The following AOPEP variants were observed in gnomAD, a reference collection of about 807,000 sequenced individuals.
The protein encoded by AOPEP is aminopeptidase O.
AOPEP carries 77 observed loss-of-function variants against 98.1 expected under a neutral mutation model. That is an observed-to-expected ratio of 0.78 (90% confidence interval 0.65 to 0.95). AOPEP has a LOEUF of 0.95. Among genes scored for constraint, AOPEP ranks in the 40% least tolerant of loss-of-function variants. The pLI is 0.00. For synonymous variants in AOPEP, 346 were observed against 365.3 expected (o/e 0.95, Z 0.60); for missense variants, 1,024 against 1,024.7 (o/e 1.00, Z 0.01).
chr9:94,984,805 A>C (rs1367119366), intron 11 of AOPEP, among the ~76,000 whole-genome samples: 2 of 152,252 alleles, frequency 1.3e-5, no homozygotes, highest in African/African-American at 4.8e-5. Flanking sequence ...AGTCACCCAC[A>C]GAATAGATAT....
At chr9:95,019,920 A>G (rs2063320017) in intron 13 of AOPEP, 3 of 152,256 alleles carry the variant, frequency 2.0e-5, no homozygotes, top group Admixed American at 6.5e-5. Flanking sequence ...GAGGTCCTCC[A>G]TAGATGCATG....
intron 11 of AOPEP, 166 bp from the exon 12 acceptor site, chr9:95,004,992 G>A (rs940252542): frequency 3.8e-5 from 6 of 157,436 alleles, no homozygotes; most frequent in African/African-American, 1.5e-4. Context: ...CGCGCCTGAG[G>A]TGATGCGGAC....
chr9:95,102,152 G>C, the AOPEP span, among the ~76,000 whole-genome samples: 1 of 152,218 alleles, frequency 6.6e-6, no homozygotes, highest in African/African-American at 2.4e-5. Context: ...AATCAGAAGT[G>C]CTTCTCAGAA....
chr9:94,921,087 A>G (rs1277640065), intron 5 of AOPEP: 3 of 151,092 alleles, frequency 2.0e-5, no homozygotes, highest in African/African-American at 7.3e-5. Context: ...AAAAAAAAAG[A>G]CAAGAAAGAA....
At chr9:94,933,093 G>C in intron 7 of AOPEP, 1 of 985,682 alleles carries the variant, frequency 1.0e-6, no homozygotes, top group Non-Finnish European at 1.2e-6. Flanking sequence ...CTCTTCCCCA[G>C]GCAAAGTCTG....
At chr9:94,975,901 G>T (rs2059810846) in intron 10 of AOPEP, among the ~76,000 whole-genome samples, 1 of 152,356 alleles carries the variant, frequency 6.6e-6, no homozygotes, top group South Asian at 2.1e-4. Context: ...CCACTGAGCT[G>T]AACGGAGTCT....
chr9:95,144,104 T>A, the AOPEP span, among the ~76,000 whole-genome samples: 1 of 152,092 alleles, frequency 6.6e-6, no homozygotes, highest in Non-Finnish European at 1.5e-5. Context: ...AAGCATGTGG[T>A]TTCCAAATGA....
intron 5 of AOPEP, among the ~76,000 whole-genome samples, chr9:94,866,542 C>T (rs2045726434): frequency 6.6e-6 from 1 of 152,126 alleles, no homozygotes; most frequent in Non-Finnish European, 1.5e-5. Flanking sequence ...CATGTAAAAT[C>T]TAAAATTTGA....
At chr9:95,138,521 C>T in the AOPEP span, among the ~76,000 whole-genome samples, 1 of 152,244 alleles carries the variant, frequency 6.6e-6, no homozygotes, top group African/African-American at 2.4e-5. Context: ...GTTCGCCTCT[C>T]AGTGGCTCCT....
At chr9:95,078,627 C>CTG (rs2069350685) in intron 14 of AOPEP, among the ~76,000 whole-genome samples, 1 of 152,258 alleles carries the variant, frequency 6.6e-6, no homozygotes, top group Non-Finnish European at 1.5e-5. Context: ...CTGTCCCCAG[C>CTG]TGTCGCTCCC....
At chr9:95,029,363 C>T (rs1441178042) in intron 13 of AOPEP, among the ~76,000 whole-genome samples, 4 of 152,162 alleles carry the variant, frequency 2.6e-5, no homozygotes, top group African/African-American at 4.8e-5. Context: ...CTTTTGTCTG[C>T]GTGTGTTACT....
chr9:94,757,160 A>G (rs1327531772), intron 1 of AOPEP, among the ~76,000 whole-genome samples: 2 of 152,240 alleles, frequency 1.3e-5, no homozygotes, highest in African/African-American at 2.4e-5. Context: ...CTCTGAATCA[A>G]GAGAAGGTAA....
intron 13 of AOPEP, among the ~76,000 whole-genome samples, chr9:95,042,327 A>C (rs572037391): frequency 2.6e-5 from 4 of 151,274 alleles, no homozygotes; most frequent in African/African-American, 7.3e-5. Flanking sequence ...TAAATAAATA[A>C]ATAAATAAAT....
chr9:95,107,985 G>A, the AOPEP span, among the ~76,000 whole-genome samples: 4 of 152,166 alleles, frequency 2.6e-5, no homozygotes, highest in Admixed American at 6.5e-5. Context: ...ACACCCAGTC[G>A]TGACTTGGAA....
chr9:94,933,137 A>G, intron 7 of AOPEP: 2 of 985,704 alleles, frequency 2.0e-6, no homozygotes, highest in Non-Finnish European at 2.4e-6. Context: ...GCCACTGTTC[A>G]GCTCTCTCCT....
intron 5 of AOPEP, among the ~76,000 whole-genome samples, chr9:94,852,901 T>C (rs902140430): frequency 3.3e-5 from 5 of 152,206 alleles, no homozygotes; most frequent in African/African-American, 4.8e-5. Context: ...GCCATTCTTA[T>C]TCACAAATTT....
At chr9:94,928,778 C>T (rs1355868911) in intron 7 of AOPEP, 2 of 436,216 alleles carry the variant, frequency 4.6e-6, no homozygotes, top group East Asian at 4.8e-5. Context: ...GGGTCAGATC[C>T]TTCGTTTGAA....
the AOPEP span, chr9:95,114,473 C>G: frequency 6.6e-6 from 5 of 754,306 alleles, no homozygotes; most frequent in South Asian, 7.2e-5. Flanking sequence ...TGCAGCCATG[C>G]GCTTCCTCCA....
chr9:94,886,453 T>A (rs1029301680), intron 5 of AOPEP, among the ~76,000 whole-genome samples: 2 of 152,242 alleles, frequency 1.3e-5, no homozygotes, highest in African/African-American at 4.8e-5. Flanking sequence ...TTGAAGAAGA[T>A]TGTCACACTA....
Sources: gnomAD v4.1 joint callset for allele counts (sites outside exome capture counted in the v4.1 genomes callset) on GRCh38, gnomAD v4.1.1 for gene constraint, MANE v1.5 for transcripts, NCBI Gene and HGNC (gene_info 2026-07-23, HGNC 2026-07-21) for gene names.